SYT16: variants seen among roughly 807,000 people sequenced by gnomAD.
SYT16 encodes the protein synaptotagmin 16, also known as synaptotagmin-16.
SYT16 carries 42 observed loss-of-function variants against 61.4 expected under a neutral mutation model. That is an observed-to-expected ratio of 0.68 (90% confidence interval 0.53 to 0.89). SYT16 has a LOEUF of 0.89. Among genes scored for constraint, SYT16 ranks in the 40% least tolerant of loss-of-function variants. The pLI is 0.00. For synonymous variants in SYT16, 314 were observed against 302.3 expected (o/e 1.04, Z -0.40); for missense variants, 804 against 807.3 (o/e 1.00, Z 0.05).
chr14:62,029,608 G>T (rs1357947331), intron 3 of SYT16, among the ~76,000 whole-genome samples: 1 of 152,114 alleles, frequency 6.6e-6, no homozygotes, highest in East Asian at 1.9e-4. Flanking sequence ...CATGATTTGT[G>T]GAAGGTGAGA....
intron 1 of SYT16, among the ~76,000 whole-genome samples, chr14:61,879,633 C>T (rs368926964): frequency 1.6e-4 from 24 of 152,298 alleles, no homozygotes; most frequent in African/African-American, 5.8e-4. Flanking sequence ...CTGGCGGGAG[C>T]TTCTAGTGTT....
intron 1 of SYT16, among the ~76,000 whole-genome samples, chr14:61,863,319 T>C (rs1463908512): frequency 6.6e-6 from 1 of 152,246 alleles, no homozygotes; most frequent in African/African-American, 2.4e-5. Context: ...GCTATTCTTA[T>C]ACATGGTATC....
At chr14:61,991,148 G>A (rs1465697454) in intron 2 of SYT16, among the ~76,000 whole-genome samples, 1 of 151,812 alleles carries the variant, frequency 6.6e-6, no homozygotes, top group Non-Finnish European at 1.5e-5. Context: ...AGCTTGTATG[G>A]TAAACACACA....
At chr14:61,887,952 CTCTT>C (rs2047972068) in intron 1 of SYT16, among the ~76,000 whole-genome samples, 1 of 152,166 alleles carries the variant, frequency 6.6e-6, no homozygotes, top group Non-Finnish European at 1.5e-5. Flanking sequence ...ACTTGGCTAA[CTCTT>C]TGGTGCAAGA....
chr14:61,899,152 A>C (rs2140353973), intron 1 of SYT16, among the ~76,000 whole-genome samples: 1 of 152,298 alleles, frequency 6.6e-6, no homozygotes, highest in South Asian at 2.1e-4. Flanking sequence ...GGTATTACTA[A>C]TCCCATTCTG....
chr14:61,876,944 G>C (rs1427011049), intron 1 of SYT16, among the ~76,000 whole-genome samples: 1 of 152,188 alleles, frequency 6.6e-6, no homozygotes, highest in East Asian at 1.9e-4. Flanking sequence ...TTTACTTTGA[G>C]AGTTCACCTA....
chr14:61,829,630 T>C (rs1233846573), intron 1 of SYT16, among the ~76,000 whole-genome samples: 1 of 152,096 alleles, frequency 6.6e-6, no homozygotes, highest in Non-Finnish European at 1.5e-5. Context: ...TTGTTCAGAT[T>C]AGACAATTTC....
chr14:61,872,184 A>G (rs969484151), intron 1 of SYT16, among the ~76,000 whole-genome samples: 1 of 152,168 alleles, frequency 6.6e-6, no homozygotes, highest in East Asian at 1.9e-4. Flanking sequence ...GAATGGCCCA[A>G]TGCATACTCA....
chr14:61,841,772 A>AT (rs929527323), intron 1 of SYT16, among the ~76,000 whole-genome samples: 11 of 151,816 alleles, frequency 7.2e-5, no homozygotes, highest in South Asian at 2.1e-4. Context: ...GCAATGTTTG[A>AT]TTTTTTTTGC....
At chr14:61,834,098 C>T (rs2046043772) in intron 1 of SYT16, among the ~76,000 whole-genome samples, 1 of 151,238 alleles carries the variant, frequency 6.6e-6, no homozygotes, top group Non-Finnish European at 1.5e-5. Flanking sequence ...GCATCCATAT[C>T]AGCTCTGTAT....
In SYT16 at chr14:62,072,981, C is replaced by T. The variant is rs117547445; in HGVS notation, c.737-2154C>T. ...CTGACAACAGGCAATTACTTTTGTG[C>T]GTCTATTGAAGGTGTCATGATCTTC... On this transcript the variant is annotated intron_variant, in intron 4 of 7. Coordinates refer to ENST00000683842, the MANE Select transcript of SYT16 (RefSeq NM_001367656.1). Among the ~76,000 whole-genome samples the T allele has an allele frequency of 3.0e-3, 460 of 152,156 alleles. 3 individuals carry two copies. The highest frequency in any genetic ancestry group is 5.4e-3 in the Non-Finnish European group (364 of 67,988).
At position 62,100,753 on chromosome 14, in the gene SYT16, T is replaced by C; in HGVS notation, c.*46T>C. The C allele has an allele frequency of 6.4e-7, 1 of 1,566,656 alleles. No homozygotes were observed. Among genetic ancestry groups the C allele is most frequent in the East Asian group, 2.3e-5 (1 of 44,350 alleles). ...GTGCTGTGTCCACCTTGGTTACCTGTGTTGCTGTCTACTGACACTAAGTGT... is the reference window on the plus strand; with the variant it reads ...GTGCTGTGTCCACCTTGGTTACCTGCGTTGCTGTCTACTGACACTAAGTGT... On this transcript the variant is annotated 3_prime_UTR_variant, in exon 8 of 8. Transcript: ENST00000683842.
intron 1 of SYT16, among the ~76,000 whole-genome samples, chr14:61,820,589 C>G (rs1047017615): frequency 1.5e-5 from 2 of 136,992 alleles, no homozygotes; most frequent in Non-Finnish European, 3.0e-5. Flanking sequence ...TCAAGCGATT[C>G]TCCTGCCTCA....
At chr14:61,965,029 A>C (rs2051258606) in intron 1 of SYT16, among the ~76,000 whole-genome samples, 1 of 152,142 alleles carries the variant, frequency 6.6e-6, no homozygotes, top group Non-Finnish European at 1.5e-5. Context: ...TGGGAAATAA[A>C]AAAATTGTGT....
rs1229541529 is a variant in SYT16 at position 62,104,241 on chromosome 14, G to C, written c.*3534G>C. 6.6e-6 allele frequency: 1 copy of C among 152,190 alleles called. No homozygotes were observed. The highest frequency in any genetic ancestry group is 1.5e-5 in the Non-Finnish European group (1 of 68,026). 9.4% of individuals were successfully genotyped at this position (152,190 alleles called of 1,614,324 possible). A position where few individuals can be genotyped will look rare whatever the true frequency, so the allele number is the denominator to read the frequency against. Reference sequence around the variant, plus strand: ...TAGTATTTTAAAAACAGAAAAGTAAGTAGGAAAGTATTATTTGTAAATGTC... The same window carrying C: ...TAGTATTTTAAAAACAGAAAAGTAACTAGGAAAGTATTATTTGTAAATGTC... On this transcript the variant is annotated 3_prime_UTR_variant, in exon 8 of 8. Coordinates refer to ENST00000683842, the MANE Select transcript of SYT16 (RefSeq NM_001367656.1).
intron 1 of SYT16, among the ~76,000 whole-genome samples, chr14:61,900,394 GT>G (rs1407847416): frequency 1.3e-5 from 2 of 152,156 alleles, no homozygotes; most frequent in Non-Finnish European, 1.5e-5. Flanking sequence ...CTGACCTCAG[GT>G]GATCCACCCA....
intron 3 of SYT16, among the ~76,000 whole-genome samples, chr14:62,035,330 G>A (rs1474056306): frequency 4.6e-5 from 7 of 152,152 alleles, no homozygotes; most frequent in African/African-American, 1.4e-4. Flanking sequence ...TTTGTGCTGT[G>A]TACTGCTTTG....
In SYT16 at chr14:62,041,110, G is replaced by C. The variant is rs115512720; in HGVS notation, c.524-28493G>C. On this transcript the variant is annotated intron_variant, in intron 3 of 7. Coordinates refer to ENST00000683842, the MANE Select transcript of SYT16 (RefSeq NM_001367656.1). Reference sequence around the variant, plus strand: ...CCGGCATGGGAGAAAGATGTAGTCTGGGAGGCTAGTCCTGTCTAGCCTTTT... The same window carrying C: ...CCGGCATGGGAGAAAGATGTAGTCTCGGAGGCTAGTCCTGTCTAGCCTTTT... Among the ~76,000 whole-genome samples the C allele has an allele frequency of 4.0e-3, 615 of 152,244 alleles. 7 individuals are homozygous for C. Among genetic ancestry groups the C allele is most frequent in the African/African-American group, 0.014 (592 of 41,548 alleles).
intron 3 of SYT16, among the ~76,000 whole-genome samples, chr14:62,058,375 C>T (rs896234643): frequency 1.5e-5 from 2 of 134,538 alleles, no homozygotes; most frequent in East Asian, 2.3e-4. Flanking sequence ...GAAGGAGTCT[C>T]GCTCTGTCAC....
Sources: gnomAD v4.1 joint callset for allele counts (sites outside exome capture counted in the v4.1 genomes callset) on GRCh38, gnomAD v4.1.1 for gene constraint, MANE v1.5 for transcripts, NCBI Gene and HGNC (gene_info 2026-07-23, HGNC 2026-07-21) for gene names.